DSCAM: variants seen among roughly 807,000 people sequenced by gnomAD.
DSCAM encodes DS cell adhesion molecule.
Under a neutral mutation model 217.7 loss-of-function variants are expected in DSCAM, and 47 were observed. That is an observed-to-expected ratio of 0.22 (90% CI 0.17 to 0.28). The LOEUF (loss-of-function observed/expected upper bound fraction) is 0.28, where lower values mean the gene tolerates loss of function less well. Ranked by LOEUF, DSCAM falls within the 10% of genes least tolerant of loss-of-function variation. DSCAM has a pLI of 1.00. For synonymous variants in DSCAM, 1,056 were observed against 1,015.3 expected (o/e 1.04, Z -0.76); for missense variants, 2,080 against 2,618.3 (o/e 0.79, Z 4.49).
chr21:40,717,319 A>G (rs2090852916), intron 1 of DSCAM, among the ~76,000 whole-genome samples: 1 of 152,262 alleles, frequency 6.6e-6, no homozygotes. Context: ...CCTGCAGACA[A>G]TAAGGACAAT....
intron 3 of DSCAM, among the ~76,000 whole-genome samples, chr21:40,536,400 CTTTTTTTTT>C (rs35476225): frequency 7.8e-6 from 1 of 127,760 alleles, no homozygotes; most frequent in Non-Finnish European, 1.7e-5. Context: ...CCGGTAGAGT[CTTTTTTTTT>C]TTTTTTTTTT....
intron 4 of DSCAM, among the ~76,000 whole-genome samples, chr21:40,357,131 T>A (rs2074702306): frequency 1.3e-5 from 2 of 152,210 alleles, no homozygotes; most frequent in African/African-American, 4.8e-5. Flanking sequence ...TATGCATGAC[T>A]ATAGGGCTCC....
intron 3 of DSCAM, among the ~76,000 whole-genome samples, chr21:40,687,912 C>T (rs1312210708): frequency 6.6e-6 from 1 of 152,104 alleles, no homozygotes; most frequent in East Asian, 1.9e-4. Context: ...TCTATGATGC[C>T]CAGACCCAGT....
At chr21:40,575,565 G>C (rs1201854930) in intron 3 of DSCAM, among the ~76,000 whole-genome samples, 2 of 152,084 alleles carry the variant, frequency 1.3e-5, no homozygotes, top group African/African-American at 4.8e-5. Context: ...AAATAATATT[G>C]TAAGAATCAG....
intron 15 of DSCAM, among the ~76,000 whole-genome samples, chr21:40,172,329 G>C (rs901904731): frequency 1.3e-5 from 2 of 152,204 alleles, no homozygotes; most frequent in Non-Finnish European, 2.9e-5. Context: ...AAAACTCTTC[G>C]ATCTGTAAAG....
chr21:40,520,536 C>T (rs926060177), intron 3 of DSCAM, among the ~76,000 whole-genome samples: 3 of 152,176 alleles, frequency 2.0e-5, no homozygotes, highest in South Asian at 2.1e-4. Context: ...TGGCCGGGCA[C>T]GGTGGCTCAC....
intron 31 of DSCAM, among the ~76,000 whole-genome samples, chr21:40,043,146 A>G (rs1304036116): frequency 6.6e-6 from 1 of 152,222 alleles, no homozygotes; most frequent in African/African-American, 2.4e-5. Flanking sequence ...TGTTGCACGG[A>G]AATTGGCCAC....
Position 40,537,816 on chromosome 21 carries a change from G to A in DSCAM, c.508+154994C>T, listed in dbSNP as rs2076511266. 2.0e-5 allele frequency among the ~76,000 whole-genome samples: 3 copies of A among 152,164 alleles called. No individual in the cohort carries two copies. In the South Asian group the frequency reaches 6.2e-4, roughly 31 times the overall value. On this transcript the variant is annotated intron_variant, in intron 3 of 32. Coordinates refer to ENST00000400454, the MANE Select transcript of DSCAM (RefSeq NM_001389.5). ...CTGACTCCTTGATCTCAGAATTGCA[G>A]CCTCCAGAGCTGTAAGACAATACAT... is the stretch of plus-strand genomic sequence containing the variant.
At chr21:40,666,544 G>A (rs761602381) in intron 3 of DSCAM, among the ~76,000 whole-genome samples, 2 of 152,216 alleles carry the variant, frequency 1.3e-5, no homozygotes, top group Non-Finnish European at 2.9e-5. Context: ...CACCTTGCAT[G>A]GGCAATGGCT....
At chr21:40,157,880 G>A (rs534077090) in intron 16 of DSCAM, among the ~76,000 whole-genome samples, 179 of 152,038 alleles carry the variant, frequency 1.2e-3, no homozygotes, top group African/African-American at 4.2e-3. Flanking sequence ...TTTTGATAGA[G>A]ATGAGGTCTC....
rs190660518 is a variant in DSCAM, at chr21:40,490,981, C to T, written c.509-121736G>A. ...ATGGATGAGCTCCATTATTCTTTTA[C>T]GTGACTTGGGCACATGAGGAATTCA... On this transcript the variant is annotated intron_variant, in intron 3 of 32. Coordinates refer to ENST00000400454, the MANE Select transcript of DSCAM (RefSeq NM_001389.5). Among the ~76,000 whole-genome samples, 835 of 152,254 alleles carry T rather than the reference C, an allele frequency of 5.5e-3. 7 individuals carry two copies. The highest frequency in any genetic ancestry group is 8.0e-3 in the Non-Finnish European group (544 of 68,010).
intron 3 of DSCAM, among the ~76,000 whole-genome samples, chr21:40,441,533 C>T (rs980048117): frequency 1.3e-5 from 2 of 152,148 alleles, no homozygotes; most frequent in Non-Finnish European, 2.9e-5. Flanking sequence ...GATCCCTCAC[C>T]ATAAATTTAT....
chr21:40,208,515 T>A (rs2059668988), intron 11 of DSCAM, among the ~76,000 whole-genome samples: 1 of 152,194 alleles, frequency 6.6e-6, no homozygotes. Context: ...CGGTTGAGCA[T>A]GGAGAATGGC....
At chr21:40,740,460 G>T (rs2146541736) in intron 1 of DSCAM, among the ~76,000 whole-genome samples, 1 of 152,312 alleles carries the variant, frequency 6.6e-6, no homozygotes, top group African/African-American at 2.4e-5. Flanking sequence ...ACACATTAGA[G>T]CCATTGGGAA....
At chr21:40,655,026 T>G (rs2090058321) in intron 3 of DSCAM, among the ~76,000 whole-genome samples, 1 of 152,110 alleles carries the variant, frequency 6.6e-6, no homozygotes, top group African/African-American at 2.4e-5. Context: ...GTATTTGTAC[T>G]AGGTAATCAC....
intron 3 of DSCAM, among the ~76,000 whole-genome samples, chr21:40,472,263 C>T (rs985003329): frequency 6.6e-6 from 1 of 152,190 alleles, no homozygotes; most frequent in Non-Finnish European, 1.5e-5. Context: ...CTTCATTCTT[C>T]AGTGCTTAGA....
chr21:40,552,447 C>G (rs1476519881), intron 3 of DSCAM, among the ~76,000 whole-genome samples: 2 of 152,210 alleles, frequency 1.3e-5, no homozygotes, highest in African/African-American at 2.4e-5. Context: ...ACTGGAAACT[C>G]ACGTAGTCTA....
At chr21:40,651,357 T>A (rs2090011408) in intron 3 of DSCAM, among the ~76,000 whole-genome samples, 1 of 152,224 alleles carries the variant, frequency 6.6e-6, no homozygotes, top group African/African-American at 2.4e-5. Context: ...ATATTTATAT[T>A]TCTTATGAGC....
intron 1 of DSCAM, among the ~76,000 whole-genome samples, chr21:40,773,908 C>T (rs571954606): frequency 1.1e-4 from 17 of 152,290 alleles, no homozygotes; most frequent in Non-Finnish European, 2.4e-4. Context: ...TTTGGAAAGT[C>T]CAGATCCCCA....
Sources: gnomAD v4.1 joint callset for allele counts (sites outside exome capture counted in the v4.1 genomes callset) on GRCh38, gnomAD v4.1.1 for gene constraint, MANE v1.5 for transcripts, NCBI Gene and HGNC (gene_info 2026-07-23, HGNC 2026-07-21) for gene names.